Variants in FHIT observed in about 807,000 individuals in gnomAD.
FHIT encodes the protein bis(5'-adenosyl)-triphosphatase.
Under a neutral mutation model 17.9 loss-of-function variants are expected in FHIT, and 19 were observed. That is an observed-to-expected ratio of 1.06 (90% CI 0.74 to 1.56). The LOEUF (loss-of-function observed/expected upper bound fraction) is 1.56, where lower values mean the gene tolerates loss of function less well. Ranked by LOEUF, FHIT falls within the 40% of genes most tolerant of loss-of-function variation. The pLI is 0.00. For missense variants in FHIT, 248 were observed against 189.2 expected (o/e 1.31, Z -1.82); for synonymous variants, 81 against 69.7 (o/e 1.16, Z -0.81).
intron 4 of FHIT, among the ~76,000 whole-genome samples, chr3:60,762,002 G>C (rs1305713963): frequency 1.3e-5 from 2 of 152,120 alleles, no homozygotes; most frequent in African/African-American, 2.4e-5. Context: ...ACTTCACATT[G>C]ATCCTGGGTT....
intron 5 of FHIT, among the ~76,000 whole-genome samples, chr3:60,462,903 C>T (rs1290149200): frequency 6.6e-6 from 1 of 152,154 alleles, no homozygotes; most frequent in African/African-American, 2.4e-5. Flanking sequence ...CAAAACCAAC[C>T]CTGCTCTGTA....
intron 8 of FHIT, among the ~76,000 whole-genome samples, chr3:59,771,280 T>A (rs1172534326): frequency 6.6e-6 from 1 of 152,170 alleles, no homozygotes; most frequent in African/African-American, 2.4e-5. Context: ...CAAGAGAGAA[T>A]GAACCTGCTC....
intron 2 of FHIT, among the ~76,000 whole-genome samples, chr3:61,051,724 G>C (rs899945496): frequency 6.6e-6 from 1 of 152,286 alleles, no homozygotes; most frequent in Non-Finnish European, 1.5e-5. Context: ...TATAACACAT[G>C]CAAAGAGATG....
At chr3:60,077,068 AT>A (rs11324331) in intron 5 of FHIT, among the ~76,000 whole-genome samples, 98,918 of 151,748 alleles carry the variant, frequency 0.65, 33,169 homozygotes, top group Middle Eastern at 0.77. Context: ...ACAGAAATAT[AT>A]TTTTTTCATA....
chr3:60,688,913 G>A (rs778203653), intron 4 of FHIT, among the ~76,000 whole-genome samples: 1 of 152,000 alleles, frequency 6.6e-6, no homozygotes, highest in African/African-American at 2.4e-5. Flanking sequence ...CACATCTGTG[G>A]ATTCAACCAA....
chr3:60,295,517 G>A (rs1242216107), intron 5 of FHIT, among the ~76,000 whole-genome samples: 1 of 151,968 alleles, frequency 6.6e-6, no homozygotes, highest in Non-Finnish European at 1.5e-5. Flanking sequence ...TCAGGGAAAT[G>A]CTCCAGGAAC....
chr3:61,159,879 G>A (rs961904135), intron 2 of FHIT, among the ~76,000 whole-genome samples: 7 of 152,140 alleles, frequency 4.6e-5, no homozygotes, highest in African/African-American at 1.7e-4. Flanking sequence ...GAAATCATGT[G>A]CAAAATGGGA....
intron 5 of FHIT, among the ~76,000 whole-genome samples, chr3:60,024,596 C>T (rs6779449): frequency 0.023 from 3,479 of 152,228 alleles, 140 homozygotes; most frequent in African/African-American, 0.08. Context: ...TCATCCTCTC[C>T]CTTCCAAAGA....
At position 60,860,913 on chromosome 3, in the gene FHIT, T is replaced by C. The variant is rs1281331205; in HGVS notation, c.-110-38902A>G. ...CATATATACGTATATATCATGTATA[T>C]ATGATACATATATACGTATATATCA... is the stretch of plus-strand genomic sequence containing the variant. On this transcript the variant is annotated intron_variant, in intron 3 of 9. Transcript: ENST00000492590. Among the ~76,000 whole-genome samples, 2 of 104,652 alleles carry C rather than the reference T, an allele frequency of 1.9e-5. 1 individual carries two copies. The highest frequency in any genetic ancestry group is 3.9e-5 in the Non-Finnish European group (2 of 50,642). 68.7% of individuals were successfully genotyped at this position (104,652 alleles called of 152,430 possible).
At chr3:60,326,542 C>T (rs1294053169) in intron 5 of FHIT, among the ~76,000 whole-genome samples, 5 of 152,190 alleles carry the variant, frequency 3.3e-5, no homozygotes, top group Non-Finnish European at 7.3e-5. Context: ...TTGCCCACTG[C>T]TCACTTGTTG....
At chr3:60,352,260 A>AT (rs1182200865) in intron 5 of FHIT, among the ~76,000 whole-genome samples, 1 of 152,164 alleles carries the variant, frequency 6.6e-6, no homozygotes, top group Non-Finnish European at 1.5e-5. Context: ...ATGCTAGGAG[A>AT]TTTTAAGCAC....
chr3:60,854,092 A>G (rs1160259126), intron 3 of FHIT, among the ~76,000 whole-genome samples: 1 of 152,160 alleles, frequency 6.6e-6, no homozygotes, highest in Non-Finnish European at 1.5e-5. Flanking sequence ...ACTAGAATGT[A>G]AACTTCTTGG....
chr3:59,889,263 A>G (rs1364717188), intron 8 of FHIT, among the ~76,000 whole-genome samples: 2 of 152,238 alleles, frequency 1.3e-5, no homozygotes, highest in African/African-American at 4.8e-5. Context: ...GAGGCAGTCC[A>G]GCCTTTCTAA....
At chr3:59,752,179 G>T (rs757052349) in intron 9 of FHIT, 42 bp downstream of exon 9, 1 of 1,402,418 alleles carries the variant, frequency 7.1e-7, no homozygotes, top group Non-Finnish European at 1.0e-6. Flanking sequence ...CTTTCCTGAG[G>T]CCCACGGGAG....
At chr3:61,016,664 C>T (rs989620974) in intron 3 of FHIT, among the ~76,000 whole-genome samples, 20 of 152,180 alleles carry the variant, frequency 1.3e-4, no homozygotes, top group Admixed American at 8.5e-4. Flanking sequence ...CACAAGAACC[C>T]TCAGCTCCAT....
At chr3:59,857,925 C>A (rs1702236287) in intron 8 of FHIT, among the ~76,000 whole-genome samples, 1 of 152,102 alleles carries the variant, frequency 6.6e-6, no homozygotes, top group Admixed American at 6.5e-5. Context: ...TAGAGTAGAA[C>A]TTACGGGCGC....
intron 5 of FHIT, among the ~76,000 whole-genome samples, chr3:60,175,957 CA>C (rs1205025700): frequency 6.6e-6 from 1 of 152,132 alleles, no homozygotes. Context: ...ATATGGTGGC[CA>C]CTAACCACAT....
chr3:59,922,319 C>G lies in FHIT; in HGVS notation c.348+27G>C, dbSNP rs753642641. ...CCCACCGACAGTCCCCGTGATCAAACAATAAGATCAGAGAGAACAGACCCA... is the reference window on the plus strand; with the variant it reads ...CCCACCGACAGTCCCCGTGATCAAAGAATAAGATCAGAGAGAACAGACCCA... On this transcript the variant is annotated intron_variant, in intron 8 of 9. Transcript: ENST00000492590. The G allele has an allele frequency of 2.7e-5, 42 of 1,579,244 alleles. No individual in the cohort carries two copies. The South Asian group carries it at 3.8e-4, about 14-fold the overall frequency.
intron 5 of FHIT, among the ~76,000 whole-genome samples, chr3:60,312,383 C>T (rs1032422548): frequency 6.6e-6 from 1 of 152,084 alleles, no homozygotes; most frequent in African/African-American, 2.4e-5. Flanking sequence ...CACAAGTGAT[C>T]CTCCTTGCCT....
Sources: gnomAD v4.1 joint callset for allele counts (sites outside exome capture counted in the v4.1 genomes callset) on GRCh38, gnomAD v4.1.1 for gene constraint, MANE v1.5 for transcripts, NCBI Gene and HGNC (gene_info 2026-07-23, HGNC 2026-07-21) for gene names.